TOP2A: variants seen among roughly 807,000 people sequenced by gnomAD.
TOP2A encodes DNA topoisomerase II alpha, also known as DNA topoisomerase 2-alpha.
Under a neutral mutation model 187.2 loss-of-function variants are expected in TOP2A, and 68 were observed. That is an observed-to-expected ratio of 0.36 (90% confidence interval 0.30 to 0.44). TOP2A has a LOEUF of 0.44. TOP2A is among the 20% of genes least tolerant of loss of function. TOP2A has a pLI of 1.00. For synonymous variants in TOP2A, 542 were observed against 593.2 expected, an observed-to-expected ratio of 0.91 and a Z score of 1.25; for missense variants, 1,196 against 1,808.7, an observed-to-expected ratio of 0.66 and a Z score of 6.14.
At chr17:40,403,198 C>T in intron 19 of TOP2A, 144 bp from the exon 20 acceptor site, 1 of 773,978 alleles carries the variant, frequency 1.3e-6, no homozygotes. Context: ...AGAAATAGTA[C>T]TTGAACCTAC....
chr17:40,403,475 T>C lies in TOP2A; in HGVS notation c.2284-421A>G, dbSNP rs527537643. ...TGTATACCTGGTACATGGTAGGCAT[T>C]CAACAAATGTTCGTTGGGTGAAAAT... On this transcript the variant is annotated intron_variant, in intron 19 of 34. Transcript: ENST00000423485. 2.2e-4 allele frequency among the ~76,000 whole-genome samples: 33 copies of C among 152,322 alleles called. No individual in the cohort carries two copies. In the South Asian group the frequency reaches 6.8e-3, roughly 32 times the overall value.
Position 40,407,543 on chromosome 17 carries a change from T to C in TOP2A, c.1626+6A>G. 6.4e-7 allele frequency: 1 copy of C among 1,555,124 alleles called. No individual in the cohort carries two copies. Among genetic ancestry groups the C allele is most frequent in the Non-Finnish European group, 8.6e-7 (1 of 1,160,846 alleles). On this transcript the variant is annotated splice_donor_region_variant and intron_variant, in intron 13 of 34. Transcript: ENST00000423485. ...AACAATCTAAAAATTTAATAACAAA[T>C]CTGACCTGATCTGTCATAATCATTA...
Position 40,399,150 on chromosome 17 carries a change from A to G in TOP2A, c.3197-19T>C. 6.8e-7 allele frequency: 1 copy of G among 1,469,838 alleles called. No homozygotes were observed. Among genetic ancestry groups the G allele is most frequent in the South Asian group, 1.2e-5 (1 of 81,888 alleles). The allele number at this position is 1,469,838 out of a possible 1,614,324, so 91.0% of individuals were successfully genotyped here. A position where few individuals can be genotyped will look rare whatever the true frequency, so the allele number is the denominator to read the frequency against. ...TTATTTTCTATTTTTAAAAAAGTAA[A>G]CAGAGATAATGATTTTGAGTAATAT... is the stretch of plus-strand genomic sequence containing the variant. On this transcript the variant is annotated intron_variant, in intron 24 of 34. Coordinates refer to ENST00000423485, the MANE Select transcript of TOP2A (RefSeq NM_001067.4).
At position 40,404,933 on chromosome 17, in the gene TOP2A, G is replaced by T. The variant is rs778486150; in HGVS notation, c.1954-50C>A. 127 of 1,070,458 alleles carry T rather than the reference G, an allele frequency of 1.2e-4. No individual in the cohort carries two copies. In the Middle Eastern group the frequency reaches 1.2e-3, roughly 10 times the overall value. 66.3% of individuals were successfully genotyped at this position (1,070,458 alleles called of 1,614,324 possible). Reference sequence around the variant, plus strand: ...GTCACTGGTACTAATAGGCTAATAGGTTCCAAAATATCCTTCTACAAAGAA... The same window carrying T: ...GTCACTGGTACTAATAGGCTAATAGTTTCCAAAATATCCTTCTACAAAGAA... On this transcript the variant is annotated intron_variant, in intron 16 of 34. Coordinates refer to ENST00000423485, the MANE Select transcript of TOP2A (RefSeq NM_001067.4).
intron 29 of TOP2A, 130 bp from the exon 30 acceptor site, chr17:40,392,867 T>TAA: frequency 1.3e-6 from 1 of 792,108 alleles, no homozygotes; most frequent in Non-Finnish European, 2.0e-6. Flanking sequence ...AAGAGACAGA[T>TAA]ATGGTCTCTG....
intron 28 of TOP2A, among the ~76,000 whole-genome samples, 170 bp downstream of exon 28, chr17:40,396,113 G>A (rs2035094484): frequency 1.3e-5 from 2 of 151,400 alleles, no homozygotes; most frequent in South Asian, 2.1e-4. Flanking sequence ...CCGAGTAGCT[G>A]GGATTACAGG....
At chr17:40,405,791 G>C (rs1274848801) in intron 16 of TOP2A, among the ~76,000 whole-genome samples, 1 of 148,164 alleles carries the variant, frequency 6.7e-6, no homozygotes, top group Admixed American at 6.8e-5. Flanking sequence ...TTTTGAGATG[G>C]AGTCTCACTC....
chr17:40,404,680 A>T, intron 17 of TOP2A, 111 bp downstream of exon 17: 1 of 803,164 alleles, frequency 1.2e-6, no homozygotes, highest in South Asian at 1.6e-5. Flanking sequence ...CAACTCTATC[A>T]TATCAAATTT....
chr17:40,397,153 T>C (rs895488382), intron 27 of TOP2A, among the ~76,000 whole-genome samples: 7 of 151,862 alleles, frequency 4.6e-5, no homozygotes, highest in Non-Finnish European at 8.8e-5. Flanking sequence ...CCAAAGCACA[T>C]TGGGATTACA....
intron 34 of TOP2A, 65 bp downstream of exon 34, chr17:40,389,900 G>A: frequency 6.8e-7 from 1 of 1,471,334 alleles, no homozygotes; most frequent in Non-Finnish European, 9.1e-7. Flanking sequence ...ATTTTTAAGA[G>A]CAATGGCTTA....
Position 40,404,259 on chromosome 17 carries a change from G to T in TOP2A, c.2176C>A (p.Gln726Lys). 1 of 1,613,538 alleles carries T rather than the reference G, an allele frequency of 6.2e-7. No homozygotes were observed. Among genetic ancestry groups the T allele is most frequent in the South Asian group, 1.1e-5 (1 of 91,006 alleles). ...PSMVDGLKPGQRKVLFTCFKR... is the reference protein window; with the variant it reads ...PSMVDGLKPGKRKVLFTCFKR... Reference sequence around the variant, plus strand: ...AAGCAAGTAAACAAAACCTTTCTCTGACCTGGTTTCAAACCTTTAAAATGA... The same window carrying T: ...AAGCAAGTAAACAAAACCTTTCTCTTACCTGGTTTCAAACCTTTAAAATGA... Residue 726 changes from glutamine (Q) to lysine (K), a missense_variant, in exon 19 of 35, where the codon CAG becomes AAG. Transcript: ENST00000423485.
chr17:40,398,378 A>G (rs1252929730), intron 27 of TOP2A, among the ~76,000 whole-genome samples, 180 bp downstream of exon 27: 1 of 152,120 alleles, frequency 6.6e-6, no homozygotes, highest in Non-Finnish European at 1.5e-5. Context: ...TGCTGGGATT[A>G]CCAGCGTGAG....
Position 40,399,864 on chromosome 17 carries a change from A to G in TOP2A, c.3196+8T>C, listed in dbSNP as rs755893979. 6 of 1,588,066 alleles carry G rather than the reference A, an allele frequency of 3.8e-6. No homozygotes were observed. Among genetic ancestry groups the G allele is most frequent in the Middle Eastern group, 3.4e-4 (2 of 5,946 alleles). On this transcript the variant is annotated splice_region_variant and intron_variant, in intron 24 of 34. Coordinates refer to ENST00000423485, the MANE Select transcript of TOP2A (RefSeq NM_001067.4). Reference sequence around the variant, plus strand: ...TTTTAGTAAGCAGTTATTATTCCCAAAACATACCAATGATTATTTTGCCAT... The same window carrying G: ...TTTTAGTAAGCAGTTATTATTCCCAGAACATACCAATGATTATTTTGCCAT...
At chr17:40,394,625 G>A (rs1363199464) in intron 29 of TOP2A, among the ~76,000 whole-genome samples, 2 of 152,132 alleles carry the variant, frequency 1.3e-5, no homozygotes, top group Non-Finnish European at 2.9e-5. Context: ...AAGCCATGGC[G>A]CCCAGCCAAA....
Position 40,407,546 on chromosome 17 carries a change from G to T in TOP2A, c.1626+3C>A. On this transcript the variant is annotated splice_donor_region_variant and intron_variant, in intron 13 of 34. Transcript: ENST00000423485. ...AATCTAAAAATTTAATAACAAATCT[G>T]ACCTGATCTGTCATAATCATTATCT... The T allele has an allele frequency of 6.4e-7, 1 of 1,560,768 alleles. No homozygotes were observed. The highest frequency in any genetic ancestry group is 8.6e-7 in the Non-Finnish European group (1 of 1,163,916).
Position 40,389,374 on chromosome 17 carries a change from T to C in TOP2A, c.*145A>G, listed in dbSNP as rs2034994566. 1.2e-6 allele frequency: 1 copy of C among 855,432 alleles called. No individual in the cohort carries two copies. Among genetic ancestry groups the C allele is most frequent in the Non-Finnish European group, 1.7e-6 (1 of 573,112 alleles). 53.0% of individuals were successfully genotyped at this position (855,432 alleles called of 1,614,324 possible). On this transcript the variant is annotated 3_prime_UTR_variant, in exon 35 of 35. Coordinates refer to ENST00000423485, the MANE Select transcript of TOP2A (RefSeq NM_001067.4). Reference sequence around the variant, plus strand: ...AGTATTATAAAAAGCTAAAGAACACTTGGGCTTTACTTCACTTTGATGTCT... The same window carrying C: ...AGTATTATAAAAAGCTAAAGAACACCTGGGCTTTACTTCACTTTGATGTCT...
chr17:40,391,418 A>G (rs2143619617), intron 33 of TOP2A, 88 bp downstream of exon 33: 1 of 1,281,732 alleles, frequency 7.8e-7, no homozygotes, highest in Non-Finnish European at 1.1e-6. Flanking sequence ...TATCAATAGT[A>G]AGTTTTGGCA....
intron 10 of TOP2A, among the ~76,000 whole-genome samples, chr17:40,410,276 A>C (rs1015260583): frequency 2.6e-5 from 4 of 152,198 alleles, no homozygotes; most frequent in African/African-American, 4.8e-5. Context: ...TATTTCATGC[A>C]GAGGGATTAG....
intron 4 of TOP2A, 62 bp downstream of exon 4, chr17:40,415,943 C>A (rs2143694527): frequency 8.4e-7 from 1 of 1,186,412 alleles, no homozygotes; most frequent in South Asian, 1.4e-5. Context: ...CACCAGTAAT[C>A]AAAATACATG....
Sources: allele counts gnomAD v4.1 joint callset (sites outside exome capture counted in the v4.1 genomes callset), GRCh38; gene constraint gnomAD v4.1.1; transcripts MANE v1.5; gene names NCBI Gene and HGNC (gene_info 2026-07-23, HGNC 2026-07-21).